PREX1: variants seen among roughly 807,000 people sequenced by gnomAD.
PREX1 encodes phosphatidylinositol-3,4,5-trisphosphate dependent Rac exchange factor 1, also known as phosphatidylinositol 3,4,5-trisphosphate-dependent Rac exchanger 1 protein.
In PREX1, 41 loss-of-function variants were observed where a neutral mutation model predicts 198.3. The observed-to-expected ratio is 0.21, with a 90% CI of 0.16 to 0.27. The LOEUF is 0.27. PREX1 is among the 10% of genes least tolerant of loss of function. PREX1 has a pLI of 1.00. For missense variants in PREX1, 1,620 were observed against 2,200.7 expected (o/e 0.74, Z 5.28); for synonymous variants, 843 against 887.2 (o/e 0.95, Z 0.89).
At chr20:48,831,126 T>C (rs1400205056), upstream of PREX1, among the ~76,000 whole-genome samples, 4 of 152,056 alleles carry the variant, frequency 2.6e-5, no homozygotes, top group Non-Finnish European at 5.9e-5. Flanking sequence ...AGGCACAAAA[T>C]GGCTGCTGAA....
Position 48,724,064 on chromosome 20 carries a change from C to T in PREX1, c.621+2226G>A, listed in dbSNP as rs80069055. Among the ~76,000 whole-genome samples the T allele has an allele frequency of 6.7e-4, 102 of 152,286 alleles. 2 individuals are homozygous for T. In the East Asian group the frequency reaches 0.019, roughly 28 times the overall value. On this transcript the variant is annotated intron_variant, in intron 5 of 39. Coordinates refer to ENST00000371941, the MANE Select transcript of PREX1 (RefSeq NM_020820.4). ...AAAACACAGAGCCACCGACCTTAGA[C>T]GCCATTTAGGGAACTGAGAAGGGCA...
chr20:48,710,118 G>C (rs2089923721), intron 5 of PREX1, among the ~76,000 whole-genome samples: 1 of 152,226 alleles, frequency 6.6e-6, no homozygotes, highest in South Asian at 2.1e-4. Flanking sequence ...CTGGGGGCTT[G>C]AGAAAGGCCC....
intron 28 of PREX1, 70 bp downstream of exon 28, chr20:48,642,337 G>C: frequency 6.2e-7 from 1 of 1,604,238 alleles, no homozygotes; most frequent in Non-Finnish European, 8.5e-7. Context: ...ACAGCCCCCG[G>C]GTCATGGGCC....
At chr20:48,770,450 T>C (rs2090230250) in intron 1 of PREX1, among the ~76,000 whole-genome samples, 1 of 152,008 alleles carries the variant, frequency 6.6e-6, no homozygotes, top group South Asian at 2.1e-4. Flanking sequence ...GTGGCTCACA[T>C]CTGTAATCCC....
intron 1 of PREX1, among the ~76,000 whole-genome samples, chr20:48,791,662 G>C (rs1032569927): frequency 2.6e-5 from 4 of 152,270 alleles, no homozygotes; most frequent in African/African-American, 7.2e-5. Context: ...GGGTGCCCAA[G>C]GTTCAGAAAT....
At chr20:48,676,320 GT>G in intron 13 of PREX1, 52 bp from the exon 14 acceptor site, 1 of 1,558,392 alleles carries the variant, frequency 6.4e-7, no homozygotes, top group Non-Finnish European at 8.8e-7. Flanking sequence ...GAGGACAGAG[GT>G]GGGGGTGGTC....
intron 15 of PREX1, among the ~76,000 whole-genome samples, chr20:48,663,561 T>C (rs1488233909): frequency 6.6e-6 from 1 of 152,258 alleles, no homozygotes; most frequent in African/African-American, 2.4e-5. Context: ...CCTGCTTTTC[T>C]AAATAAAGTT....
intron 15 of PREX1, among the ~76,000 whole-genome samples, chr20:48,665,826 G>C (rs2089635904): frequency 6.6e-6 from 1 of 152,094 alleles, no homozygotes; most frequent in African/African-American, 2.4e-5. Flanking sequence ...CCAATGGAAA[G>C]AAAAGTCACT....
Position 48,664,268 on chromosome 20 carries a change from G to A in PREX1, c.1738+2015C>T, listed in dbSNP as rs370483728. Reference sequence around the variant, plus strand: ...CGGGTGCCTGCGGTCCCAGCTACTCGGGAGGCTGAGGCAGGAGAATGGCGT... The same window carrying A: ...CGGGTGCCTGCGGTCCCAGCTACTCAGGAGGCTGAGGCAGGAGAATGGCGT... On this transcript the variant is annotated intron_variant, in intron 15 of 39. Transcript: ENST00000371941. Among the ~76,000 whole-genome samples, 81 of 152,124 alleles carry A rather than the reference G, an allele frequency of 5.3e-4. 1 individual carries two copies. Among genetic ancestry groups the A allele is most frequent in the African/African-American group, 1.9e-3 (77 of 41,500 alleles).
chr20:48,679,633 G>A lies in PREX1; in HGVS notation c.1539+18C>T. ...CGAGGCCAGCTGAGTCAGAGTCACAGGGGCGGAGGGCCCCTACCTTGGACA... is the reference window on the plus strand; with the variant it reads ...CGAGGCCAGCTGAGTCAGAGTCACAAGGGCGGAGGGCCCCTACCTTGGACA... On this transcript the variant is annotated intron_variant, in intron 12 of 39. Transcript: ENST00000371941. 1 of 1,581,714 alleles carries A rather than the reference G, an allele frequency of 6.3e-7. No homozygotes were observed. The highest frequency in any genetic ancestry group is 8.7e-7 in the Non-Finnish European group (1 of 1,150,628).
At chr20:48,700,713 GC>G in intron 7 of PREX1, 39 bp downstream of exon 7, 3 of 1,608,760 alleles carry the variant, frequency 1.9e-6, no homozygotes, top group Non-Finnish European at 2.5e-6. Flanking sequence ...CCTGGAGAAG[GC>G]AGCAGGCCAG....
intron 6 of PREX1, among the ~76,000 whole-genome samples, chr20:48,702,279 A>C (rs1337432900): frequency 6.6e-6 from 1 of 152,038 alleles, no homozygotes; most frequent in Non-Finnish European, 1.5e-5. Context: ...GGATCCTTAG[A>C]GCCTGGGATC....
chr20:48,655,779 A>G (rs1475778289), intron 18 of PREX1, among the ~76,000 whole-genome samples: 1 of 152,064 alleles, frequency 6.6e-6, no homozygotes, highest in Admixed American at 6.6e-5. Flanking sequence ...CTGACCCTAG[A>G]AAAACACCCA....
the PREX1 span, among the ~76,000 whole-genome samples, chr20:48,833,219 A>G: frequency 1.3e-5 from 2 of 152,182 alleles, no homozygotes; most frequent in Non-Finnish European, 2.9e-5. Flanking sequence ...GGATGAAGCC[A>G]TGATGTCTGG....
intron 10 of PREX1, among the ~76,000 whole-genome samples, chr20:48,688,407 A>G (rs906956670): frequency 6.6e-5 from 10 of 152,176 alleles, no homozygotes; most frequent in South Asian, 4.1e-4. Context: ...CTTCAATCAT[A>G]TATTACATGA....
chr20:48,687,538 T>C lies in PREX1; in HGVS notation c.1334+1119A>G, dbSNP rs563563595. Among the ~76,000 whole-genome samples, 7 of 152,338 alleles carry C rather than the reference T, an allele frequency of 4.6e-5. No homozygotes were observed. The South Asian group carries it at 1.5e-3, about 32-fold the overall frequency. ...TCTCACCTGGTCCACAGCACTGTGA[T>C]AAAGTGGCAGCTTTTACCCTAGGCC... On this transcript the variant is annotated intron_variant, in intron 10 of 39. Transcript: ENST00000371941.
intron 3 of PREX1, among the ~76,000 whole-genome samples, chr20:48,736,811 A>G (rs995329645): frequency 6.6e-6 from 1 of 152,134 alleles, no homozygotes; most frequent in Admixed American, 6.5e-5. Flanking sequence ...TGCAGAGAAG[A>G]CTTGCAGTGA....
intron 1 of PREX1, among the ~76,000 whole-genome samples, chr20:48,759,830 C>T (rs1181474665): frequency 6.6e-6 from 1 of 152,080 alleles, no homozygotes; most frequent in Non-Finnish European, 1.5e-5. Context: ...CAGGCTCACA[C>T]CTGTGAGCTC....
intron 3 of PREX1, among the ~76,000 whole-genome samples, chr20:48,737,494 G>A (rs1471399758): frequency 1.3e-5 from 2 of 152,154 alleles, no homozygotes; most frequent in Non-Finnish European, 2.9e-5. Context: ...AGCAGGTATT[G>A]TGACTATTTG....
Sources: gnomAD v4.1 joint callset for allele counts (sites outside exome capture counted in the v4.1 genomes callset) on GRCh38, gnomAD v4.1.1 for gene constraint, MANE v1.5 for transcripts, NCBI Gene and HGNC (gene_info 2026-07-23, HGNC 2026-07-21) for gene names.